CDH6: variants seen among roughly 807,000 people sequenced by gnomAD.
CDH6 encodes the protein cadherin 6.
A neutral mutation model predicts 78.0 loss-of-function variants in CDH6; 31 were observed. That is an observed-to-expected ratio of 0.40 (90% CI 0.30 to 0.54). CDH6 has a LOEUF of 0.54. Ranked by LOEUF, CDH6 falls within the 20% of genes least tolerant of loss-of-function variation. The pLI is 0.56. For synonymous variants in CDH6, 376 were observed against 368.8 expected (o/e 1.02, Z -0.23); for missense variants, 724 against 975.9 (o/e 0.74, Z 3.44).
At chr5:31,320,571 T>A (rs1738454195) in intron 11 of CDH6, among the ~76,000 whole-genome samples, 1 of 152,166 alleles carries the variant, frequency 6.6e-6, no homozygotes, top group Non-Finnish European at 1.5e-5. Context: ...CGTGTCATTG[T>A]TCACACTGGC....
intron 6 of CDH6, among the ~76,000 whole-genome samples, chr5:31,302,720 A>T (rs1737803988): frequency 6.7e-6 from 1 of 148,744 alleles, no homozygotes; most frequent in African/African-American, 2.5e-5. Context: ...AAAAAAAAAA[A>T]AAAGAAGAAA....
At chr5:31,311,886 CA>C (rs1738167997) in intron 7 of CDH6, among the ~76,000 whole-genome samples, 1 of 152,148 alleles carries the variant, frequency 6.6e-6, no homozygotes, top group African/African-American at 2.4e-5. Flanking sequence ...AGAGCCAAAC[CA>C]TATCACATAG....
intron 1 of CDH6, among the ~76,000 whole-genome samples, chr5:31,241,877 T>C (rs1018760263): frequency 1.3e-5 from 2 of 152,248 alleles, no homozygotes; most frequent in African/African-American, 4.8e-5. Flanking sequence ...GTGCCTATAT[T>C]GCAGTCTATG....
Position 31,272,907 on chromosome 5 carries a change from T to C in CDH6, c.228+5206T>C, listed in dbSNP as rs575573610. Reference sequence around the variant, plus strand: ...AGTTTTCAAAAAAATTGATAGGCTGTATTTTTTTAAAAACATTATGAAAAT... The same window carrying C: ...AGTTTTCAAAAAAATTGATAGGCTGCATTTTTTTAAAAACATTATGAAAAT... On this transcript the variant is annotated intron_variant, in intron 2 of 11. Transcript: ENST00000265071. 2.0e-5 allele frequency among the ~76,000 whole-genome samples: 3 copies of C among 152,354 alleles called. No individual in the cohort carries two copies. The South Asian group carries it at 6.2e-4, about 32-fold the overall frequency.
intron 1 of CDH6, among the ~76,000 whole-genome samples, chr5:31,246,750 G>GTTGTT (rs932146403): frequency 4.6e-5 from 7 of 152,154 alleles, no homozygotes; most frequent in African/African-American, 9.6e-5. Context: ...TTTTTGTTCT[G>GTTGTT]TTGTTTTGTT....
At chr5:31,265,430 T>C (rs1184813540) in intron 1 of CDH6, among the ~76,000 whole-genome samples, 1 of 152,190 alleles carries the variant, frequency 6.6e-6, no homozygotes, top group Admixed American at 6.5e-5. Flanking sequence ...TGCATAATAA[T>C]GGAATAAAGG....
intron 2 of CDH6, among the ~76,000 whole-genome samples, chr5:31,283,869 C>A (rs1198344930): frequency 1.3e-5 from 2 of 151,676 alleles, no homozygotes; most frequent in South Asian, 4.2e-4. Context: ...GGCTTGAGTA[C>A]AGTGGCACGA....
At position 31,325,222 on chromosome 5, in the gene CDH6, G is replaced by A. The variant is rs896324063; in HGVS notation, c.*1914G>A. 3.9e-5 allele frequency: 9 copies of A among 228,468 alleles called. No homozygotes were observed. The highest frequency in any genetic ancestry group is 6.9e-5 in the Non-Finnish European group (8 of 115,206). 14.2% of individuals were successfully genotyped at this position (228,468 alleles called of 1,614,324 possible). On this transcript the variant is annotated 3_prime_UTR_variant, in exon 12 of 12. Coordinates refer to ENST00000265071, the MANE Select transcript of CDH6 (RefSeq NM_004932.4). Reference sequence around the variant, plus strand: ...TCCTTGTGTCTTCTGAATGGTTTCCGATTTTATAATGGACTGCCCTATATA... The same window carrying A: ...TCCTTGTGTCTTCTGAATGGTTTCCAATTTTATAATGGACTGCCCTATATA...
intron 8 of CDH6, 31 bp downstream of exon 8, chr5:31,313,485 C>T (rs1579910680): frequency 6.3e-7 from 1 of 1,593,596 alleles, no homozygotes; most frequent in Non-Finnish European, 8.6e-7. Flanking sequence ...CTGCTGTCCC[C>T]TATTAATAGA....
intron 2 of CDH6, among the ~76,000 whole-genome samples, chr5:31,269,848 C>G (rs1742471651): frequency 6.6e-6 from 1 of 152,112 alleles, no homozygotes. Context: ...GCCCCTCCTT[C>G]TCCTCCTTGT....
chr5:31,240,742 G>A (rs541320538), intron 1 of CDH6, among the ~76,000 whole-genome samples: 2 of 152,316 alleles, frequency 1.3e-5, no homozygotes, highest in South Asian at 2.1e-4. Flanking sequence ...ATCTGGCAGC[G>A]CAGAGTGAAA....
In CDH6 at chr5:31,267,778, A is replaced by G. The variant is rs1327739295; in HGVS notation, c.228+77A>G. On this transcript the variant is annotated intron_variant, in intron 2 of 11. Coordinates refer to ENST00000265071, the MANE Select transcript of CDH6 (RefSeq NM_004932.4). ...TACTTCTAATAAATAGATGGGGAGGATGTGTACTATTCCCCAATATAGTAA... is the reference window on the plus strand; with the variant it reads ...TACTTCTAATAAATAGATGGGGAGGGTGTGTACTATTCCCCAATATAGTAA... The G allele has an allele frequency of 5.7e-6, 6 of 1,048,254 alleles. No homozygotes were observed. In the South Asian group the frequency reaches 6.6e-5, roughly 12 times the overall value. 64.9% of individuals were successfully genotyped at this position (1,048,254 alleles called of 1,614,324 possible). A position where few individuals can be genotyped will look rare whatever the true frequency, so the allele number is the denominator to read the frequency against.
At chr5:31,199,342 A>T (rs538687772) in intron 1 of CDH6, among the ~76,000 whole-genome samples, 1 of 150,438 alleles carries the variant, frequency 6.6e-6, no homozygotes, top group South Asian at 2.1e-4. Flanking sequence ...GTGTATATAC[A>T]TATGGTGTAT....
chr5:31,325,446 G>T lies in CDH6; in HGVS notation c.*2138G>T, dbSNP rs1738604972. 4.3e-6 allele frequency: 1 copy of T among 231,268 alleles called. No homozygotes were observed. Among genetic ancestry groups the T allele is most frequent in the African/African-American group, 2.2e-5 (1 of 45,190 alleles). The allele number at this position is 231,268 out of a possible 1,614,324, so 14.3% of individuals were successfully genotyped here. A position where few individuals can be genotyped will look rare whatever the true frequency, so the allele number is the denominator to read the frequency against. On this transcript the variant is annotated 3_prime_UTR_variant, in exon 12 of 12. Transcript: ENST00000265071. ...TAAGTGTTGAAAAAAGCTTAGTAAAGTTAGAAGCTACTTACTCATAGCAAT... is the reference window on the plus strand; with the variant it reads ...TAAGTGTTGAAAAAAGCTTAGTAAATTTAGAAGCTACTTACTCATAGCAAT...
chr5:31,202,764 C>T (rs549270496), intron 1 of CDH6, among the ~76,000 whole-genome samples: 10 of 149,776 alleles, frequency 6.7e-5, no homozygotes, highest in African/African-American at 2.2e-4. Context: ...AACATATACA[C>T]GCATATATGT....
At chr5:31,302,925 A>T (rs1438725481) in intron 6 of CDH6, among the ~76,000 whole-genome samples, 1 of 126,668 alleles carries the variant, frequency 7.9e-6, no homozygotes, top group Non-Finnish European at 1.8e-5. Flanking sequence ...GAAAGAAAGA[A>T]AGAAAGAAAG....
At chr5:31,316,356 A>G in intron 9 of CDH6, 27 bp downstream of exon 9, 1 of 1,592,270 alleles carries the variant, frequency 6.3e-7, no homozygotes, top group Non-Finnish European at 8.6e-7. Flanking sequence ...AGTATATTCA[A>G]GTTGAACATC....
At chr5:31,231,569 C>G (rs567482624) in intron 1 of CDH6, among the ~76,000 whole-genome samples, 1 of 152,310 alleles carries the variant, frequency 6.6e-6, no homozygotes, top group African/African-American at 2.4e-5. Flanking sequence ...GGCTTTCTTG[C>G]TGGTAGAGAC....
chr5:31,273,744 T>C (rs527907741), intron 2 of CDH6, among the ~76,000 whole-genome samples: 1 of 152,032 alleles, frequency 6.6e-6, no homozygotes. Context: ...GAAAAAAAAA[T>C]TTTTTTAAAG....
Sources: allele counts gnomAD v4.1 joint callset (sites outside exome capture counted in the v4.1 genomes callset), GRCh38; gene constraint gnomAD v4.1.1; transcripts MANE v1.5; gene names NCBI Gene and HGNC (gene_info 2026-07-23, HGNC 2026-07-21).